TMC5: variants seen among roughly 807,000 people sequenced by gnomAD.
TMC5 encodes transmembrane channel-like protein 5.
In TMC5, 86 loss-of-function variants were observed where a neutral mutation model predicts 110.5. That is an observed-to-expected ratio of 0.78 (90% confidence interval 0.65 to 0.93). The LOEUF is 0.93. Ranked by LOEUF, TMC5 falls within the 40% of genes least tolerant of loss-of-function variation. The pLI is 0.00. For synonymous variants in TMC5, 455 were observed against 439.5 expected, an observed-to-expected ratio of 1.04 and a Z score of -0.44; for missense variants, 1,144 against 1,222.8, an observed-to-expected ratio of 0.94 and a Z score of 0.96.
rs1163748944 is a variant in TMC5, at chr16:19,469,731, G to A, written c.1688G>A (p.Gly563Glu). 1 of 1,614,104 alleles carries A rather than the reference G, an allele frequency of 6.2e-7. No homozygotes were observed. The highest frequency in any genetic ancestry group is 1.1e-5 in the South Asian group (1 of 91,080). ...NNFINPHIYS[G>E]GITKLIFCWD... ...TTCATTAATCCCCACATTTACTCCGGAGGGATCACCAAGCTGATCTTTTGC... is the reference window on the plus strand; with the variant it reads ...TTCATTAATCCCCACATTTACTCCGAAGGGATCACCAAGCTGATCTTTTGC... Residue 563 changes from glycine (G) to glutamate (E), a missense_variant, in exon 10 of 22, where the codon GGA becomes GAA. Transcript: ENST00000542583.
intron 10 of TMC5, among the ~76,000 whole-genome samples, chr16:19,471,581 G>C (rs1316844648): frequency 1.3e-5 from 2 of 152,134 alleles, no homozygotes; most frequent in Admixed American, 1.3e-4. Flanking sequence ...CCATTTCAGA[G>C]TCCTCTATGG....
At chr16:19,435,107 C>T (rs1460903291) in intron 2 of TMC5, among the ~76,000 whole-genome samples, 1 of 152,108 alleles carries the variant, frequency 6.6e-6, no homozygotes, top group Non-Finnish European at 1.5e-5. Flanking sequence ...TGAGCCAAAA[C>T]CCTACCGCTT....
intron 2 of TMC5, among the ~76,000 whole-genome samples, chr16:19,431,248 T>C (rs920339779): frequency 6.6e-6 from 1 of 152,002 alleles, no homozygotes; most frequent in Admixed American, 6.6e-5. Flanking sequence ...CGTTAGAAGA[T>C]AAAACGTGGG....
chr16:19,492,803 C>T (rs1968940575), intron 19 of TMC5, among the ~76,000 whole-genome samples: 1 of 151,092 alleles, frequency 6.6e-6, no homozygotes, highest in East Asian at 1.9e-4. Flanking sequence ...TGGGCTCCTG[C>T]CTCAGCCTCC....
At chr16:19,497,871 TG>T in intron 21 of TMC5, 48 bp from the exon 22 acceptor site, 1 of 1,578,006 alleles carries the variant, frequency 6.3e-7, no homozygotes, top group Non-Finnish European at 8.7e-7. Flanking sequence ...CTTGTAGAGA[TG>T]GGGCAGAGTG....
intron 10 of TMC5, 73 bp downstream of exon 10, chr16:19,469,898 CTT>C (rs10570246): frequency 0.19 from 220,454 of 1,178,084 alleles, 10,617 homozygotes; most frequent in East Asian, 0.44. Context: ...TGTAACTTTT[CTT>C]TTTTTTTTTT....
chr16:19,419,402 GTTTTTTTTT>G (rs55696911), intron 1 of TMC5, among the ~76,000 whole-genome samples: 83 of 65,638 alleles, frequency 1.3e-3, no homozygotes, highest in Non-Finnish European at 1.9e-3. Context: ...GAATGTGTTG[GTTTTTTTTT>G]TTTTTTTTTT....
At chr16:19,490,894 TC>T (rs1968879855) in intron 18 of TMC5, among the ~76,000 whole-genome samples, 1 of 119,330 alleles carries the variant, frequency 8.4e-6, no homozygotes, top group Non-Finnish European at 1.8e-5. Flanking sequence ...TCCTTCTTTC[TC>T]CCTTCCCCTC....
Position 19,474,253 on chromosome 16 carries a change from C to T in TMC5, c.2067C>T (p.His689=), listed in dbSNP as rs202208365. Residue 689 remains histidine (H), a synonymous_variant, in exon 12 of 22, where the codon CAC becomes CAT. Coordinates refer to ENST00000542583, the MANE Select transcript of TMC5 (RefSeq NM_001261841.2). ...TGGAGAGGTACGAGATGCCACGGCA[C>T]GAAGTCTACGTTCTCCTGATCCGGT... ...RLVERYEMPR[H]EVYVLLIRNI... 13 of 1,613,996 alleles carry T rather than the reference C, an allele frequency of 8.1e-6. No individual in the cohort carries two copies. The Admixed American group carries it at 8.3e-5, about 10-fold the overall frequency.
chr16:19,411,645 T>C (rs1450386895), intron 1 of TMC5: 2 of 152,232 alleles, frequency 1.3e-5, no homozygotes, highest in African/African-American at 2.4e-5. Context: ...GCAATAATAG[T>C]AGCTTGCCTA....
At chr16:19,410,863 G>T (rs1022230085) in exon 1 of TMC5, 10 of 152,324 alleles carry the variant, frequency 6.6e-5, no homozygotes. Flanking sequence ...GGCTCCCAGA[G>T]AGGCTGGGAA....
chr16:19,487,160 G>A, intron 16 of TMC5, 33 bp from the exon 17 acceptor site: 1 of 1,605,314 alleles, frequency 6.2e-7, no homozygotes, highest in Non-Finnish European at 8.5e-7. Flanking sequence ...TGCTCCGGCT[G>A]CAGATGGGAG....
chr16:19,483,855 T>C (rs986750052), intron 15 of TMC5, among the ~76,000 whole-genome samples: 44 of 151,926 alleles, frequency 2.9e-4, no homozygotes, highest in African/African-American at 1.0e-3. Flanking sequence ...GGAGGCCGGA[T>C]CACCTGAGGC....
At chr16:19,486,535 C>T (rs1968745493) in intron 15 of TMC5, among the ~76,000 whole-genome samples, 2 of 152,136 alleles carry the variant, frequency 1.3e-5, no homozygotes, top group Admixed American at 1.3e-4. Context: ...CGCCATCATG[C>T]CTGGCTAATT....
At chr16:19,452,954 AG>A (rs1429513731) in intron 5 of TMC5, among the ~76,000 whole-genome samples, 8 of 151,736 alleles carry the variant, frequency 5.3e-5, no homozygotes, top group Admixed American at 6.6e-5. Flanking sequence ...CATTATAACA[AG>A]GGCTATGGTA....
intron 5 of TMC5, chr16:19,457,159 A>G (rs377235200): frequency 4.4e-6 from 3 of 688,484 alleles, no homozygotes; most frequent in African/African-American, 3.6e-5. Flanking sequence ...GGAGGCCAAG[A>G]TAAGAGGAAC....
chr16:19,465,783 A>C (rs1400941527), intron 8 of TMC5, among the ~76,000 whole-genome samples: 4 of 152,222 alleles, frequency 2.6e-5, no homozygotes, highest in South Asian at 2.1e-4. Flanking sequence ...ACAGAGGCAC[A>C]TAATACTGGT....
chr16:19,472,093 C>A lies in TMC5; in HGVS notation c.1788C>A (p.Asn596Lys), dbSNP rs1399929035. 6.2e-7 allele frequency: 1 copy of A among 1,613,548 alleles called. No individual in the cohort carries two copies. The highest frequency in any genetic ancestry group is 1.1e-5 in the South Asian group (1 of 91,078). ...TGACTTTCTTATGTTTCTAGGAGAA[C>A]CTGTCAGAGCTCCGTCAGGAGAATT... ...QKNLSTEIRE[N>K]LSELRQENSK... Residue 596 changes from asparagine to lysine, a missense_variant, in exon 11 of 22, where the codon AAC becomes AAA. Transcript: ENST00000542583.
At chr16:19,468,177 G>C (rs1968236436) in intron 9 of TMC5, among the ~76,000 whole-genome samples, 1 of 152,108 alleles carries the variant, frequency 6.6e-6, no homozygotes, top group Non-Finnish European at 1.5e-5. Flanking sequence ...GTTTCACCAT[G>C]TTGGCCAGGC....
Sources: gnomAD v4.1 joint callset for allele counts (sites outside exome capture counted in the v4.1 genomes callset) on GRCh38, gnomAD v4.1.1 for gene constraint, MANE v1.5 for transcripts, NCBI Gene and HGNC (gene_info 2026-07-23, HGNC 2026-07-21) for gene names.